DENND4C: variants seen among roughly 807,000 people sequenced by gnomAD.
DENND4C encodes the protein DENN domain containing 4C.
Under a neutral mutation model 203.0 loss-of-function variants are expected in DENND4C, and 108 were observed. That is an observed-to-expected ratio of 0.53 (90% CI 0.46 to 0.62). The LOEUF is 0.62. Ranked by LOEUF, DENND4C falls within the 20% of genes least tolerant of loss-of-function variation. The pLI is 0.00. For missense variants in DENND4C, 2,481 were observed against 2,301.2 expected, an observed-to-expected ratio of 1.08 and a Z score of -1.60; for synonymous variants, 871 against 792.4, an observed-to-expected ratio of 1.10 and a Z score of -1.67.
intron 10 of DENND4C, among the ~76,000 whole-genome samples, chr9:19,308,996 G>A (rs1050589930): frequency 2.0e-5 from 3 of 152,160 alleles, no homozygotes; most frequent in Non-Finnish European, 4.4e-5. Flanking sequence ...ATAATTCAAT[G>A]AAATGTCCAA....
At chr9:19,349,616 C>G (rs1823640412) in intron 23 of DENND4C, among the ~76,000 whole-genome samples, 1 of 152,050 alleles carries the variant, frequency 6.6e-6, no homozygotes, top group African/African-American at 2.4e-5. Context: ...AATGAAAAGT[C>G]TATAAAATGT....
intron 1 of DENND4C, among the ~76,000 whole-genome samples, chr9:19,236,138 T>C (rs2131363561): frequency 6.6e-6 from 1 of 152,218 alleles, no homozygotes; most frequent in East Asian, 1.9e-4. Flanking sequence ...TTTTTTTAAA[T>C]TATGGAAAGA....
rs777594694 is a variant in DENND4C at position 19,236,462 on chromosome 9, A to C, written c.-18+5629A>C. 5.9e-5 allele frequency among the ~76,000 whole-genome samples: 9 copies of C among 152,242 alleles called. 1 individual carries two copies. In the South Asian group the frequency reaches 1.0e-3, roughly 17 times the overall value. On this transcript the variant is annotated intron_variant, in intron 1 of 32. Transcript: ENST00000434457. ...AGTAATTTAGAGGGAGTGGGTATGA[A>C]GCTGGAGAGTAAGTAGAGGCTGTGT... is the stretch of plus-strand genomic sequence containing the variant.
rs567145814 is a variant in DENND4C at position 19,328,791 on chromosome 9, G to A, written c.2253+629G>A. On this transcript the variant is annotated intron_variant, in intron 16 of 32. Coordinates refer to ENST00000434457, the MANE Select transcript of DENND4C (RefSeq NM_001330640.2). ...TGGCCGGGCGCAGTGGCTCACCCCT[G>A]TAATCCCAGCACTTTGGGAGGCCGA... is the stretch of plus-strand genomic sequence containing the variant. Among the ~76,000 whole-genome samples the A allele has an allele frequency of 2.0e-3, 310 of 151,966 alleles. 1 individual carries two copies. The highest frequency in any genetic ancestry group is 7.0e-3 in the African/African-American group (289 of 41,420).
In DENND4C at chr9:19,335,025, G is replaced by A. The variant is rs1820131584; in HGVS notation, c.2509G>A (p.Val837Ile). ...MQLCGLWGHP[V>I]LAVRVLFEMK... ...GCTTTGTGGACTTTGGGGTCATCCT[G>A]TTTTAGCAGTGAGAGTCTTATTTGA... Residue 837 changes from valine (V) to isoleucine (I), a missense_variant, in exon 18 of 33, where the codon GTT becomes ATT. Physicochemically the swap from Val to Ile is conservative, Grantham distance 29. This residue lies in a region of DENND4C where 2,289 missense variants were observed against 2,113.3 expected (regional missense o/e 1.08). Coordinates refer to ENST00000434457, the MANE Select transcript of DENND4C (RefSeq NM_001330640.2). The A allele has an allele frequency of 1.2e-6, 2 of 1,612,382 alleles. No individual in the cohort carries two copies. The highest frequency in any genetic ancestry group is 1.7e-6 in the Non-Finnish European group (2 of 1,179,404).
intron 8 of DENND4C, among the ~76,000 whole-genome samples, chr9:19,299,583 G>A (rs1010297670): frequency 6.6e-6 from 1 of 152,076 alleles, no homozygotes; most frequent in African/African-American, 2.4e-5. Flanking sequence ...GGTTTAAGGT[G>A]AGCTGATTTT....
Position 19,356,929 on chromosome 9 carries a change from G to A in DENND4C, c.4782-43G>A, listed in dbSNP as rs1321439974. The A allele has an allele frequency of 1.9e-5, 30 of 1,557,060 alleles. No homozygotes were observed. The Admixed American group carries it at 5.1e-4, about 27-fold the overall frequency. On this transcript the variant is annotated intron_variant, in intron 26 of 32. Coordinates refer to ENST00000434457, the MANE Select transcript of DENND4C (RefSeq NM_001330640.2). ...AATATGATAGAATTTTAGAAAACTT[G>A]AGGATTTTTAAAGGCTCTTTTTCCC...
intron 1 of DENND4C, among the ~76,000 whole-genome samples, chr9:19,238,083 CTT>C (rs539266824): frequency 1.9e-4 from 26 of 138,326 alleles, no homozygotes; most frequent in Admixed American, 2.9e-4. Flanking sequence ...TTCTTTCTTT[CTT>C]TTTTTTTTTT....
intron 1 of DENND4C, among the ~76,000 whole-genome samples, chr9:19,245,431 C>T (rs1341288274): frequency 2.0e-5 from 3 of 146,964 alleles, no homozygotes; most frequent in African/African-American, 7.6e-5. Context: ...GGCGCTACTG[C>T]ACTCCTGCCT....
intron 29 of DENND4C, 147 bp from the exon 30 acceptor site, chr9:19,361,699 A>G: frequency 4.1e-6 from 2 of 489,994 alleles, no homozygotes; most frequent in Non-Finnish European, 7.3e-6. Context: ...ATTTGTCATC[A>G]GACATTAATA....
chr9:19,232,883 C>T (rs1820931680), intron 1 of DENND4C, among the ~76,000 whole-genome samples: 3 of 152,040 alleles, frequency 2.0e-5, no homozygotes, highest in Non-Finnish European at 4.4e-5. Flanking sequence ...CCTTTCTTTG[C>T]TCTTTGTGTA....
chr9:19,270,476 A>G (rs1831418581), intron 1 of DENND4C, among the ~76,000 whole-genome samples: 1 of 152,174 alleles, frequency 6.6e-6, no homozygotes, highest in Non-Finnish European at 1.5e-5. Context: ...GCTCATACCC[A>G]AGTTGCAAGA....
chr9:19,338,476 A>G (rs1031616175), intron 20 of DENND4C, among the ~76,000 whole-genome samples: 5 of 152,036 alleles, frequency 3.3e-5, no homozygotes, highest in African/African-American at 9.7e-5. Flanking sequence ...GGTCCCCCTT[A>G]TATATATTTT....
At chr9:19,240,984 C>A (rs181447076) in intron 1 of DENND4C, among the ~76,000 whole-genome samples, 11 of 152,126 alleles carry the variant, frequency 7.2e-5, no homozygotes, top group African/African-American at 2.7e-4. Context: ...CAGAATGGAA[C>A]GCAGAACAGA....
At chr9:19,348,767 CTT>C (rs1823454602) in intron 23 of DENND4C, among the ~76,000 whole-genome samples, 1 of 151,714 alleles carries the variant, frequency 6.6e-6, no homozygotes, top group Non-Finnish European at 1.5e-5. Context: ...TCCAAACTGT[CTT>C]AATCTGGCAT....
intron 16 of DENND4C, among the ~76,000 whole-genome samples, chr9:19,329,124 G>A (rs1440490048): frequency 6.6e-6 from 1 of 152,140 alleles, no homozygotes; most frequent in African/African-American, 2.4e-5. Context: ...GTGGCTTTTA[G>A]TATATTTACA....
At chr9:19,331,911 C>G in intron 16 of DENND4C, 67 bp from the exon 17 acceptor site, 1 of 1,416,578 alleles carries the variant, frequency 7.1e-7, no homozygotes, top group Admixed American at 2.0e-5. Flanking sequence ...TCTCCCTTTT[C>G]CTTCTCACTT....
At chr9:19,253,692 G>A (rs1827218055) in intron 1 of DENND4C, among the ~76,000 whole-genome samples, 1 of 152,170 alleles carries the variant, frequency 6.6e-6, no homozygotes. Context: ...TTATTACAAT[G>A]AGAGGAATTA....
At chr9:19,254,302 A>G (rs1299543147) in intron 1 of DENND4C, among the ~76,000 whole-genome samples, 1 of 152,232 alleles carries the variant, frequency 6.6e-6, no homozygotes, top group Non-Finnish European at 1.5e-5. Context: ...TAATTGTAGC[A>G]TTATTCACAA....
Sources: gnomAD v4.1 joint callset for allele counts (sites outside exome capture counted in the v4.1 genomes callset) on GRCh38, gnomAD v4.1.1 for gene constraint, gnomAD v4.1.1 regional missense constraint, MANE v1.5 for transcripts, NCBI Gene and HGNC (gene_info 2026-07-23, HGNC 2026-07-21) for gene names.